The following UBE3A variants were observed in gnomAD, a reference collection of about 807,000 sequenced individuals.
The protein encoded by UBE3A is ubiquitin-protein ligase E3A.
UBE3A carries 6 observed loss-of-function variants against 83.4 expected under a neutral mutation model. That is an observed-to-expected ratio of 0.07 (90% CI 0.04 to 0.14). UBE3A has a LOEUF of 0.14. Ranked by LOEUF, UBE3A falls within the 10% of genes least tolerant of loss-of-function variation. UBE3A has a pLI of 1.00. For synonymous variants in UBE3A, 337 were observed against 355.4 expected, an observed-to-expected ratio of 0.95 and a Z score of 0.58; for missense variants, 456 against 1,036.1, an observed-to-expected ratio of 0.44 and a Z score of 7.69.
chr15:25,419,545 C>T (rs529994317), intron 1 of UBE3A: 7 of 151,804 alleles, frequency 4.6e-5, no homozygotes, highest in Non-Finnish European at 7.4e-5. Flanking sequence ...GAAAATAACA[C>T]CAGCAACAAA....
chr15:25,433,953 C>A (rs1894247781), intron 1 of UBE3A, among the ~76,000 whole-genome samples: 1 of 151,906 alleles, frequency 6.6e-6, no homozygotes, highest in Non-Finnish European at 1.5e-5. Context: ...TATGCTAATC[C>A]CACCTACTCA....
intron 3 of UBE3A, chr15:25,407,067 C>A (rs2088784547): frequency 1.5e-6 from 2 of 1,347,880 alleles, no homozygotes; most frequent in East Asian, 4.6e-5. Context: ...TGTGACACAC[C>A]TGGTCTCCAC....
chr15:25,385,582 G>A (rs1031044105), intron 4 of UBE3A, among the ~76,000 whole-genome samples: 14 of 152,246 alleles, frequency 9.2e-5, no homozygotes, highest in African/African-American at 2.9e-4. Context: ...TTCCACATAT[G>A]AAGAGCTTGG....
intron 4 of UBE3A, among the ~76,000 whole-genome samples, chr15:25,385,871 C>A (rs1372410752): frequency 6.6e-6 from 1 of 152,104 alleles, no homozygotes; most frequent in Non-Finnish European, 1.5e-5. Context: ...GGGAGCCCTA[C>A]AATTTTCTAA....
chr15:25,361,592 TTTTG>T (rs1431896770), intron 6 of UBE3A, among the ~76,000 whole-genome samples: 18 of 152,266 alleles, frequency 1.2e-4, no homozygotes, highest in East Asian at 5.8e-4. Context: ...TTATACTGCA[TTTTG>T]TTTGTTTTAC....
At chr15:25,406,141 C>A (rs74006409) in intron 3 of UBE3A, among the ~76,000 whole-genome samples, 1 of 152,126 alleles carries the variant, frequency 6.6e-6, no homozygotes, top group South Asian at 2.1e-4. Flanking sequence ...CAACCGCTAC[C>A]GCTACTCCAG....
chr15:25,397,006 A>G (rs1481627268), intron 4 of UBE3A, among the ~76,000 whole-genome samples: 1 of 152,232 alleles, frequency 6.6e-6, no homozygotes, highest in Non-Finnish European at 1.5e-5. Flanking sequence ...AGGTAAAACC[A>G]AGAATCCTTC....
chr15:25,386,731 G>GA (rs1191607174), intron 4 of UBE3A, among the ~76,000 whole-genome samples: 1 of 143,668 alleles, frequency 7.0e-6, no homozygotes, highest in Non-Finnish European at 1.5e-5. Context: ...ACCTGTAGAG[G>GA]AAAAAAAGAA....
At chr15:25,364,448 T>C (rs1294130339) in intron 6 of UBE3A, among the ~76,000 whole-genome samples, 1 of 152,140 alleles carries the variant, frequency 6.6e-6, no homozygotes, top group Non-Finnish European at 1.5e-5. Flanking sequence ...AATAGCTATA[T>C]TATTTAAAAT....
intron 1 of UBE3A, among the ~76,000 whole-genome samples, chr15:25,429,992 G>A (rs1329287580): frequency 1.1e-4 from 14 of 124,554 alleles, no homozygotes; most frequent in African/African-American, 2.9e-4. Context: ...GCAACAGGGC[G>A]AGACTACATC....
chr15:25,405,634 T>C lies in UBE3A; in HGVS notation c.21-132A>G, dbSNP rs1596251585. The C allele has an allele frequency of 4.2e-6, 4 of 953,426 alleles. No homozygotes were observed. In the East Asian group the frequency reaches 7.7e-5, roughly 18 times the overall value. 59.1% of individuals were successfully genotyped at this position (953,426 alleles called of 1,614,324 possible). The stretch of plus-strand genomic sequence containing the variant: ...AATAAAACAGTTTTAAAATTAAAGA[T>C]GTCAACATGAAAGAAAGTGGTCAGA... On this transcript the variant is annotated intron_variant, in intron 3 of 12. Transcript: ENST00000648336.
In UBE3A at chr15:25,384,182, G is replaced by A. The variant is rs150312862; in HGVS notation, c.63-8419C>T. On this transcript the variant is annotated intron_variant, in intron 4 of 12. Transcript: ENST00000648336. ...CATTGAAAATTAAACAACATAGGCC[G>A]GACGTGGTGGCTCACGCCTGTAACC... Among the ~76,000 whole-genome samples the A allele has an allele frequency of 3.5e-3, 538 of 152,124 alleles. 4 individuals carry two copies. Among genetic ancestry groups the A allele is most frequent in the African/African-American group, 0.012 (515 of 41,514 alleles).
chr15:25,371,110 C>G lies in UBE3A; in HGVS notation c.1064G>C (p.Ser355Thr), dbSNP rs141984760. 8.7e-5 allele frequency: 140 copies of G among 1,614,130 alleles called. 2 individuals are homozygous for G. In the Middle Eastern group the frequency reaches 1.6e-3, roughly 19 times the overall value. Reference protein sequence around the residue: ...TYKVISNEFNSRNLVNDDDAI... With the variant: ...TYKVISNEFNTRNLVNDDDAI... ...ATCATCATCATTCACTAGATTTCGA[C>G]TGTTAAATTCATTGCTTATGACTTT... The change falls in exon 6 of 13, where the codon AGT (serine) becomes ACT (threonine). Residue 355 changes from serine (S) to threonine (T), a missense_variant. By Grantham distance (58) the Ser-to-Thr change is moderately conservative (BLOSUM62 1). Coordinates refer to ENST00000648336, the MANE Select transcript of UBE3A (RefSeq NM_130839.5). The surrounding 1 kb of genome is among the most constrained non-coding windows in gnomAD (Gnocchi z 5.3).
intron 3 of UBE3A, chr15:25,406,978 A>G (rs528386620): frequency 6.3e-6 from 5 of 793,962 alleles, no homozygotes; most frequent in Non-Finnish European, 8.5e-6. Flanking sequence ...GGCATGCTGG[A>G]GGTGGCAGTG....
intron 3 of UBE3A, chr15:25,408,769 G>C (rs2089302670): frequency 2.9e-5 from 33 of 1,129,602 alleles, no homozygotes; most frequent in Non-Finnish European, 4.1e-5. Context: ...CACATAAAAG[G>C]CATACTTTAA....
chr15:25,377,756 A>G (rs571089920), intron 4 of UBE3A, among the ~76,000 whole-genome samples: 4 of 152,276 alleles, frequency 2.6e-5, no homozygotes, highest in African/African-American at 9.6e-5. Flanking sequence ...CATTGTTTCT[A>G]TATCTGAAAA....
chr15:25,356,970 C>G, intron 7 of UBE3A, 74 bp from the exon 8 acceptor site: 4 of 1,278,548 alleles, frequency 3.1e-6, no homozygotes, highest in Non-Finnish European at 4.4e-6. Flanking sequence ...CAAATATAAA[C>G]TTAAAATAAT....
At chr15:25,437,879 A>G (rs1457762331) in intron 1 of UBE3A, among the ~76,000 whole-genome samples, 1 of 152,130 alleles carries the variant, frequency 6.6e-6, no homozygotes, top group East Asian at 1.9e-4. Flanking sequence ...AACTGCTTGC[A>G]TACAGGTCTG....
rs1303111216 is a variant in UBE3A, at chr15:25,334,186, C to CA, written c.*4950dup. ...GTTCACAGATGCATGATCTCATATG[C>CA]AAAAAATACTAAGTGACAAAAAAAG... On this transcript the variant is annotated 3_prime_UTR_variant, in exon 13 of 13. Transcript: ENST00000648336. The CA allele has an allele frequency of 1.3e-5, 2 of 150,704 alleles. No homozygotes were observed. Among genetic ancestry groups the CA allele is most frequent in the Non-Finnish European group, 3.0e-5 (2 of 67,762 alleles). 9.3% of individuals were successfully genotyped at this position (150,704 alleles called of 1,614,324 possible).
Sources: gnomAD v4.1 joint callset for allele counts (sites outside exome capture counted in the v4.1 genomes callset) on GRCh38, gnomAD v4.1.1 for gene constraint, Gnocchi (gnomAD v3.1) non-coding constraint, MANE v1.5 for transcripts, NCBI Gene and HGNC (gene_info 2026-07-23, HGNC 2026-07-21) for gene names.